Variants in TTLL1 observed in about 807,000 individuals in gnomAD.
TTLL1 encodes the protein TTL family tubulin polyglutamylase complex subunit L1, also known as polyglutamylase complex subunit TTLL1.
TTLL1 carries 33 observed loss-of-function variants against 47.8 expected under a neutral mutation model. That is an observed-to-expected ratio of 0.69 (90% CI 0.52 to 0.92). TTLL1 has a LOEUF of 0.92. TTLL1 is among the 40% of genes least tolerant of loss of function. The pLI is 0.00. For synonymous variants in TTLL1, 225 were observed against 214.1 expected (o/e 1.05, Z -0.45); for missense variants, 488 against 547.5 (o/e 0.89, Z 1.08).
intron 8 of TTLL1, among the ~76,000 whole-genome samples, chr22:43,056,997 C>T (rs62231641): frequency 0.24 from 36,510 of 151,890 alleles, 5,171 homozygotes; most frequent in Middle Eastern, 0.38. Context: ...CTTGGCCAGG[C>T]GCGGTGGCTC....
chr22:43,070,148 C>T, intron 3 of TTLL1: 1 of 1,414,408 alleles, frequency 7.1e-7, no homozygotes, highest in South Asian at 1.2e-5. Flanking sequence ...AATGATAACA[C>T]TGTCAACAAA....
chr22:43,064,794 T>TAAACAGGCAG, intron 5 of TTLL1, among the ~76,000 whole-genome samples: 1 of 151,898 alleles, frequency 6.6e-6, no homozygotes, highest in Non-Finnish European at 1.5e-5. Context: ...AGACTAGGGA[T>TAAACAGGCAG]AAACAGGCAG....
At chr22:43,055,528 C>T (rs1204120817) in intron 8 of TTLL1, among the ~76,000 whole-genome samples, 3 of 151,958 alleles carry the variant, frequency 2.0e-5, no homozygotes, top group East Asian at 1.9e-4. Flanking sequence ...GACAGAGTCT[C>T]GCATGTTGCC....
intron 9 of TTLL1, among the ~76,000 whole-genome samples, chr22:43,051,119 T>C (rs948173739): frequency 6.6e-6 from 1 of 152,222 alleles, no homozygotes; most frequent in East Asian, 1.9e-4. Context: ...TGCAGGGAGA[T>C]GAACCAATAG....
At chr22:43,052,775 C>T (rs375140706) in intron 8 of TTLL1, among the ~76,000 whole-genome samples, 21 of 148,196 alleles carry the variant, frequency 1.4e-4, no homozygotes, top group East Asian at 8.2e-4. Context: ...AAAAAGAAAA[C>T]TGGCTGGGCG....
chr22:43,073,784 A>G (rs1008789289), intron 3 of TTLL1, among the ~76,000 whole-genome samples: 1 of 151,442 alleles, frequency 6.6e-6, no homozygotes, highest in African/African-American at 2.4e-5. Flanking sequence ...CTGATTGTAC[A>G]TTTAGTGCTT....
chr22:43,069,220 CAAAAA>C (rs66913313), intron 4 of TTLL1, among the ~76,000 whole-genome samples: 1 of 80,400 alleles, frequency 1.2e-5, no homozygotes, highest in Middle Eastern at 7.2e-3. Flanking sequence ...ACTAAAAATA[CAAAAA>C]AAAAAAAAAA....
At position 43,087,520 on chromosome 22, in the gene TTLL1, T is replaced by G. The variant is rs1437094725; in HGVS notation, c.-90+1757A>C. ...GCCCGGGCAACAGAGTGAGACTCCA[T>G]CTCAAAAAAAAAAAAAAAAAGAAAT... On this transcript the variant is annotated intron_variant, in intron 1 of 10. Transcript: ENST00000266254. Among the ~76,000 whole-genome samples, 3 of 131,998 alleles carry G rather than the reference T, an allele frequency of 2.3e-5. No individual in the cohort carries two copies. In the East Asian group the frequency reaches 6.7e-4, roughly 30 times the overall value. The allele number at this position is 131,998 out of a possible 152,430, so 86.6% of individuals were successfully genotyped here. A position where few individuals can be genotyped will look rare whatever the true frequency, so the allele number is the denominator to read the frequency against.
intron 1 of TTLL1, among the ~76,000 whole-genome samples, chr22:43,081,259 G>GC (rs977221653): frequency 6.6e-6 from 1 of 151,958 alleles, no homozygotes; most frequent in Non-Finnish European, 1.5e-5. Flanking sequence ...GCGCATCAAA[G>GC]CCCCCCATCC....
At position 43,048,089 on chromosome 22, in the gene TTLL1, G is replaced by A. The variant is rs567986639; in HGVS notation, c.979-1516C>T. Among the ~76,000 whole-genome samples, 15 of 152,174 alleles carry A rather than the reference G, an allele frequency of 9.9e-5. No homozygotes were observed. The South Asian group carries it at 1.9e-3, about 19-fold the overall frequency. On this transcript the variant is annotated intron_variant, in intron 9 of 10. Transcript: ENST00000266254. ...TCCTAGTACTTTGGGACGCTGAGGC[G>A]GGTGGATCACAAGGTCAAGAGTTCG...
At chr22:43,043,327 G>A (rs1925850737) in intron 10 of TTLL1, among the ~76,000 whole-genome samples, 1 of 151,926 alleles carries the variant, frequency 6.6e-6, no homozygotes, top group African/African-American at 2.4e-5. Flanking sequence ...GGCTCTACAC[G>A]CTCCCAACAA....
intron 2 of TTLL1, among the ~76,000 whole-genome samples, chr22:43,076,202 T>A (rs1235976739): frequency 1.3e-5 from 2 of 152,208 alleles, no homozygotes; most frequent in Non-Finnish European, 2.9e-5. Context: ...ATGCCTGTAA[T>A]CCCAGCACTT....
At chr22:43,062,945 A>C (rs552387267) in intron 7 of TTLL1, among the ~76,000 whole-genome samples, 2 of 152,382 alleles carry the variant, frequency 1.3e-5, no homozygotes, top group African/African-American at 4.8e-5. Context: ...CATCTAAGGC[A>C]AAGCCTATTT....
chr22:43,059,115 C>T (rs984038395), intron 8 of TTLL1, among the ~76,000 whole-genome samples: 21 of 152,154 alleles, frequency 1.4e-4, no homozygotes, highest in African/African-American at 4.6e-4. Flanking sequence ...TCAGCCTCCC[C>T]AGTAGCTGGG....
At chr22:43,065,034 A>G (rs1163992709) in intron 5 of TTLL1, among the ~76,000 whole-genome samples, 1 of 151,636 alleles carries the variant, frequency 6.6e-6, no homozygotes, top group African/African-American at 2.4e-5. Flanking sequence ...AATTCCAGCT[A>G]CTCCAGAGGC....
intron 3 of TTLL1, among the ~76,000 whole-genome samples, chr22:43,072,154 CTTT>C (rs60673775): frequency 1.4e-5 from 2 of 138,856 alleles, no homozygotes; most frequent in African/African-American, 2.6e-5. Context: ...TTTTCTTTTT[CTTT>C]TTTTTTTTTT....
chr22:43,049,601 C>CAAA lies in TTLL1; in HGVS notation c.978+2197_978+2199dup, dbSNP rs34707208. On this transcript the variant is annotated intron_variant, in intron 9 of 10. Transcript: ENST00000266254. ...ACAACATAGTGAGACCCCATCTCCACAAAAAAAAAAAAAAAAAATTAGCCA... is the reference window on the plus strand; with the variant it reads ...ACAACATAGTGAGACCCCATCTCCACAAAAAAAAAAAAAAAAAAAAATTAGCCA... Among the ~76,000 whole-genome samples the CAAA allele has an allele frequency of 1.7e-3, 184 of 105,438 alleles. 2 individuals carry two copies. Among genetic ancestry groups the CAAA allele is most frequent in the African/African-American group, 5.9e-3 (165 of 28,024 alleles). The allele number at this position is 105,438 out of a possible 152,430, so 69.2% of individuals were successfully genotyped here.
intron 7 of TTLL1, among the ~76,000 whole-genome samples, chr22:43,061,156 C>T (rs990000590): frequency 3.9e-5 from 6 of 152,336 alleles, no homozygotes; most frequent in African/African-American, 1.4e-4. Flanking sequence ...TGCCACTGTA[C>T]TCCAGCGTGG....
In TTLL1 at chr22:43,063,831, G is replaced by A. The variant is rs759655023; in HGVS notation, c.729C>T (p.Val243=). The change falls in exon 7 of 11, where the codon GTC becomes GTT. Residue 243 remains valine, a synonymous_variant. Coordinates refer to ENST00000266254, the MANE Select transcript of TTLL1 (RefSeq NM_012263.5). ...LDNMFVHLTN[V]AIQKHGEDYN... The stretch of plus-strand genomic sequence containing the variant: ...CACTCACCCCGTGTTTCTGGATGGC[G>A]ACGTTGGTGAGATGAACGAACATGT... 24 of 1,613,834 alleles carry A rather than the reference G, an allele frequency of 1.5e-5. No individual in the cohort carries two copies. The highest frequency in any genetic ancestry group is 2.2e-5 in the East Asian group (1 of 44,894).
Sources: allele counts gnomAD v4.1 joint callset (sites outside exome capture counted in the v4.1 genomes callset), GRCh38; gene constraint gnomAD v4.1.1; transcripts MANE v1.5; gene names NCBI Gene and HGNC (gene_info 2026-07-23, HGNC 2026-07-21).